Variants in AK9 observed in about 807,000 individuals in gnomAD.
AK9 encodes the protein adenylate kinase 9.
AK9 carries 191 observed loss-of-function variants against 239.6 expected under a neutral mutation model. That is an observed-to-expected ratio of 0.80 (90% CI 0.71 to 0.90). The LOEUF is 0.90. Ranked by LOEUF, AK9 falls within the 40% of genes least tolerant of loss-of-function variation. The pLI is 0.00. For missense variants in AK9, 1,995 were observed against 2,214.7 expected, an observed-to-expected ratio of 0.90 and a Z score of 1.99; for synonymous variants, 689 against 721.0, an observed-to-expected ratio of 0.96 and a Z score of 0.71.
rs114356377 is a variant in AK9, at chr6:109,533,963, G to A, written c.3351-493C>T. Reference sequence around the variant, plus strand: ...TTTATTTAAAGAGTACACCTGGCCAGCCCAATTGTAGTGGGAGCCCTCACC... The same window carrying A: ...TTTATTTAAAGAGTACACCTGGCCAACCCAATTGTAGTGGGAGCCCTCACC... On this transcript the variant is annotated intron_variant, in intron 27 of 40. Coordinates refer to ENST00000424296, the MANE Select transcript of AK9 (RefSeq NM_001145128.3). Among the ~76,000 whole-genome samples the A allele has an allele frequency of 2.8e-3, 424 of 152,172 alleles. 1 individual carries two copies. The highest frequency in any genetic ancestry group is 9.8e-3 in the African/African-American group (405 of 41,536).
rs1434471778 is a variant in AK9 at position 109,671,965 on chromosome 6, T to C, written c.285A>G (p.Ile95Met). 3 of 1,614,046 alleles carry C rather than the reference T, an allele frequency of 1.9e-6. No individual in the cohort carries two copies. The Admixed American group carries it at 5.0e-5, about 27-fold the overall frequency. The change falls in exon 5 of 41, where the codon ATA becomes ATG. Residue 95 changes from isoleucine to methionine, a missense_variant. Physicochemically the swap from Ile to Met is conservative, Grantham distance 10 (BLOSUM62 1). Coordinates refer to ENST00000424296, the MANE Select transcript of AK9 (RefSeq NM_001145128.3). ...AGTTGAGCTTCTCCAACATTAGCTT[T>C]ATGACAAGTTCATCTGGAATGCTTT... The part of the protein sequence containing the change: ...SGQSIPDELV[I>M]KLMLEKLNSP...
rs543481528 is a variant in AK9, at chr6:109,511,068, T to TG, written c.4280-1689_4280-1688insC. ...ATGAACCAAATCTGCTTGTTTTTTT[T>TG]TTTTTTTTTTCCTTAACAAACCAAT... On this transcript the variant is annotated intron_variant, in intron 32 of 40. Coordinates refer to ENST00000424296, the MANE Select transcript of AK9 (RefSeq NM_001145128.3). Among the ~76,000 whole-genome samples, 404 of 152,070 alleles carry TG rather than the reference T, an allele frequency of 2.7e-3. 3 individuals are homozygous for TG. Among genetic ancestry groups the TG allele is most frequent in the African/African-American group, 9.4e-3 (390 of 41,486 alleles).
chr6:109,544,278 G>A (rs1783250714), intron 26 of AK9, among the ~76,000 whole-genome samples: 1 of 152,100 alleles, frequency 6.6e-6, no homozygotes, highest in Non-Finnish European at 1.5e-5. Context: ...TGGTTAAAAT[G>A]TGAGTTAGAA....
At chr6:109,579,444 C>A (rs1037329510) in intron 20 of AK9, 106 bp downstream of exon 20, 2 of 1,115,822 alleles carry the variant, frequency 1.8e-6, no homozygotes, top group South Asian at 1.5e-5. Flanking sequence ...CTCTCATGGA[C>A]AAATTGGGAA....
Position 109,592,611 on chromosome 6 carries a change from T to C in AK9, c.1843-6539A>G, listed in dbSNP as rs558365949. Reference sequence around the variant, plus strand: ...ACAGGCGCCTGCCACCTCGCCCGGCTAATTTTTTGTATTTTTAGTAGAGAC... The same window carrying C: ...ACAGGCGCCTGCCACCTCGCCCGGCCAATTTTTTGTATTTTTAGTAGAGAC... On this transcript the variant is annotated intron_variant, in intron 17 of 40. Transcript: ENST00000424296. Among the ~76,000 whole-genome samples the C allele has an allele frequency of 1.2e-4, 19 of 152,120 alleles. 2 individuals carry two copies. In the South Asian group the frequency reaches 3.9e-3, roughly 32 times the overall value.
chr6:109,550,273 CCT>C lies in AK9; in HGVS notation c.2779_2780del (p.Arg927AlafsTer41). Reference protein sequence around the residue: ...EGEDKMKERKRHLGDTKHFCP... With the variant: ...EGEDKMKERKXHLGDTKHFCP... ...AAAAGTGTTTTGTGTCTCCCAAATGCCTCTTTCTCTCCTTCATTTTATCTTCA... is the reference window on the plus strand; with the variant it reads ...AAAAGTGTTTTGTGTCTCCCAAATGCCTTTCTCTCCTTCATTTTATCTTCA... On this transcript the variant is annotated frameshift_variant, in exon 25 of 41. Transcript: ENST00000424296. LOFTEE classifies it high-confidence loss of function. 1 of 1,611,624 alleles carries C rather than the reference CCT, an allele frequency of 6.2e-7. No individual in the cohort carries two copies. Among genetic ancestry groups the C allele is most frequent in the East Asian group, 2.2e-5 (1 of 44,832 alleles).
At chr6:109,590,866 C>G (rs1345221746) in intron 17 of AK9, among the ~76,000 whole-genome samples, 1 of 152,072 alleles carries the variant, frequency 6.6e-6, no homozygotes, top group Admixed American at 6.5e-5. Context: ...TAGTTTTATT[C>G]CACTTTGGTC....
At chr6:109,537,151 A>G (rs1434038015) in intron 27 of AK9, among the ~76,000 whole-genome samples, 2 of 152,004 alleles carry the variant, frequency 1.3e-5, no homozygotes, top group East Asian at 3.9e-4. Flanking sequence ...CTCTTTTTCT[A>G]TTGATTGGAA....
At chr6:109,596,846 T>A (rs941564753) in intron 17 of AK9, among the ~76,000 whole-genome samples, 4 of 152,232 alleles carry the variant, frequency 2.6e-5, no homozygotes, top group Non-Finnish European at 5.9e-5. Context: ...TCTTTTCCTT[T>A]GGGTAGATAC....
chr6:109,641,349 CTTTTTTT>C (rs913203723), intron 10 of AK9, among the ~76,000 whole-genome samples, 162 bp downstream of exon 10: 2 of 124,388 alleles, frequency 1.6e-5, no homozygotes, highest in African/African-American at 6.2e-5. Flanking sequence ...TTCTTTCTTT[CTTTTTTT>C]TTTTTTTTTT....
chr6:109,497,359 C>CT, intron 38 of AK9, 106 bp downstream of exon 38: 1 of 641,140 alleles, frequency 1.6e-6, no homozygotes, highest in South Asian at 1.6e-5. Flanking sequence ...CACACACACA[C>CT]ACACTCTCTC....
chr6:109,587,968 A>G (rs1396463401), intron 17 of AK9, among the ~76,000 whole-genome samples: 1 of 152,158 alleles, frequency 6.6e-6, no homozygotes, highest in Non-Finnish European at 1.5e-5. Context: ...TTGACTTTGT[A>G]ATAATAGCTA....
In AK9 at chr6:109,550,240, C is replaced by T; in HGVS notation, c.2814G>A (p.Val938=). The change falls in exon 25 of 41, where the codon GTG becomes GTA. Residue 938 remains valine, a synonymous_variant. Coordinates refer to ENST00000424296, the MANE Select transcript of AK9 (RefSeq NM_001145128.3). ...HLGDTKHFCP[V]VLKENFILQP... is the part of the protein sequence containing the mutation. ...GCAGGATGAAGTTTTCTTTGAGGAC[C>T]ACCGGACAAAAGTGTTTTGTGTCTC... The T allele has an allele frequency of 1.2e-6, 2 of 1,613,150 alleles. No individual in the cohort carries two copies. The highest frequency in any genetic ancestry group is 8.5e-7 in the Non-Finnish European group (1 of 1,179,970).
chr6:109,641,704 A>G (rs1034828553), intron 9 of AK9, 88 bp from the exon 10 acceptor site: 70 of 1,063,856 alleles, frequency 6.6e-5, no homozygotes, highest in Non-Finnish European at 8.2e-5. Flanking sequence ...AGCCAAGACC[A>G]TGCTCCCCCT....
chr6:109,510,268 G>A (rs187115599), intron 32 of AK9, among the ~76,000 whole-genome samples: 30 of 152,196 alleles, frequency 2.0e-4, no homozygotes, highest in African/African-American at 6.5e-4. Flanking sequence ...GGGAGAGGAC[G>A]ACCAGAGGAT....
intron 29 of AK9, among the ~76,000 whole-genome samples, chr6:109,523,679 G>A (rs1176321269): frequency 1.3e-5 from 2 of 152,068 alleles, no homozygotes; most frequent in South Asian, 4.1e-4. Flanking sequence ...CCAGAGAAAG[G>A]AGCCAAAACC....
chr6:109,658,279 T>C (rs1799968927), intron 7 of AK9, among the ~76,000 whole-genome samples: 1 of 152,236 alleles, frequency 6.6e-6, no homozygotes, highest in African/African-American at 2.4e-5. Context: ...TAGAGGGCTT[T>C]GCTAGCACAC....
intron 27 of AK9, among the ~76,000 whole-genome samples, chr6:109,536,969 G>A (rs1782086745): frequency 6.6e-6 from 1 of 152,126 alleles, no homozygotes; most frequent in African/African-American, 2.4e-5. Context: ...TGATCATGGT[G>A]CATAAGCTTT....
chr6:109,555,087 C>G lies in AK9; in HGVS notation c.2752-4785G>C, dbSNP rs77071353. ...TTAGTTTGCTCATGCTTCTCTAGCT[C>G]TCTTCATTGTGATGTTAGGGTGTCG... On this transcript the variant is annotated intron_variant, in intron 24 of 40. Coordinates refer to ENST00000424296, the MANE Select transcript of AK9 (RefSeq NM_001145128.3). Among the ~76,000 whole-genome samples, 576 of 152,238 alleles carry G rather than the reference C, an allele frequency of 3.8e-3. 2 individuals carry two copies. The highest frequency in any genetic ancestry group is 7.0e-3 in the South Asian group (34 of 4,830).
Sources: gnomAD v4.1 joint callset for allele counts (sites outside exome capture counted in the v4.1 genomes callset) on GRCh38, gnomAD v4.1.1 for gene constraint, MANE v1.5 for transcripts, NCBI Gene and HGNC (gene_info 2026-07-23, HGNC 2026-07-21) for gene names.